PLEKHG1: variants seen among roughly 807,000 people sequenced by gnomAD.
The protein encoded by PLEKHG1 is pleckstrin homology and RhoGEF domain containing G1.
A neutral mutation model predicts 100.8 loss-of-function variants in PLEKHG1; 44 were observed. The observed-to-expected ratio is 0.44, with a 90% CI of 0.34 to 0.56. PLEKHG1 has a LOEUF of 0.56. PLEKHG1 is among the 20% of genes least tolerant of loss of function. The probability of loss-of-function intolerance (pLI) is 0.01; values close to 1 mark genes in which losing one functional copy is unlikely to be tolerated. For missense variants in PLEKHG1, 1,545 were observed against 1,720.9 expected (o/e 0.90, Z 1.81); for synonymous variants, 640 against 662.5 (o/e 0.97, Z 0.52).
Position 150,611,896 on chromosome 6 carries a change from A to G in PLEKHG1, c.-204+11879A>G, listed in dbSNP as rs1313214580. On this transcript the variant is annotated intron_variant, in intron 1 of 3. Transcript: ENST00000367326. ...ATTTCTGCTCAAATAGTGAGGCTCT[A>G]TTGTGTTTCAAAATAAGTCAAGAGA... Among the ~76,000 whole-genome samples the G allele has an allele frequency of 2.6e-5, 4 of 152,078 alleles. No homozygotes were observed. The South Asian group carries it at 6.2e-4, about 24-fold the overall frequency.
At chr6:150,631,377 G>A (rs1048583248) in intron 1 of PLEKHG1, among the ~76,000 whole-genome samples, 2 of 152,198 alleles carry the variant, frequency 1.3e-5, no homozygotes, top group East Asian at 1.9e-4. Flanking sequence ...TGGACAGACA[G>A]GACTGTGGGG....
At chr6:150,659,660 C>A (rs1046681823) in intron 3 of PLEKHG1, among the ~76,000 whole-genome samples, 1 of 152,122 alleles carries the variant, frequency 6.6e-6, no homozygotes, top group Non-Finnish European at 1.5e-5. Flanking sequence ...GTTCAGATTC[C>A]TTCTCCTTTT....
At chr6:150,666,847 G>A (rs1297458465) in intron 3 of PLEKHG1, among the ~76,000 whole-genome samples, 4 of 150,304 alleles carry the variant, frequency 2.7e-5, no homozygotes, top group Non-Finnish European at 4.4e-5. Flanking sequence ...TGCAATCTCC[G>A]CCTCCCGGGT....
At chr6:150,637,475 T>C (rs904397952) in intron 1 of PLEKHG1, among the ~76,000 whole-genome samples, 2 of 152,252 alleles carry the variant, frequency 1.3e-5, no homozygotes, top group South Asian at 2.1e-4. Context: ...TTTGAGTAAC[T>C]TTTGATGTAT....
chr6:150,827,392 C>G (rs1456875195), intron 14 of PLEKHG1, among the ~76,000 whole-genome samples: 3 of 152,014 alleles, frequency 2.0e-5, no homozygotes, highest in African/African-American at 7.3e-5. Context: ...GTTCTCCTGC[C>G]TCAGCCTCCC....
chr6:150,839,057 A>G (rs760246631), intron 15 of PLEKHG1, among the ~76,000 whole-genome samples: 41 of 152,170 alleles, frequency 2.7e-4, no homozygotes, highest in Admixed American at 1.7e-3. Flanking sequence ...CAAAAAAAGA[A>G]TGATGGGAAG....
chr6:150,682,890 C>A (rs1779983614), intron 3 of PLEKHG1, among the ~76,000 whole-genome samples: 1 of 152,166 alleles, frequency 6.6e-6, no homozygotes, highest in Non-Finnish European at 1.5e-5. Flanking sequence ...GAGCACCACC[C>A]ACATGAGAGA....
chr6:150,787,150 GT>G (rs1306796156), intron 4 of PLEKHG1, among the ~76,000 whole-genome samples: 1 of 151,880 alleles, frequency 6.6e-6, no homozygotes, highest in Non-Finnish European at 1.5e-5. Context: ...AATATTTTAC[GT>G]ATAATATATG....
chr6:150,604,318 CA>C (rs1776495149), intron 1 of PLEKHG1, among the ~76,000 whole-genome samples: 2 of 152,174 alleles, frequency 1.3e-5, no homozygotes, highest in African/African-American at 4.8e-5. Context: ...ACTGTCTAGA[CA>C]TTGAAAAGAC....
At chr6:150,690,069 G>C (rs927541968) in intron 3 of PLEKHG1, among the ~76,000 whole-genome samples, 1 of 152,130 alleles carries the variant, frequency 6.6e-6, no homozygotes, top group Non-Finnish European at 1.5e-5. Flanking sequence ...CAGGAAATCT[G>C]ACAATGGCTA....
intron 3 of PLEKHG1, among the ~76,000 whole-genome samples, chr6:150,772,269 C>T (rs927729361): frequency 1.3e-5 from 2 of 152,198 alleles, no homozygotes; most frequent in Non-Finnish European, 2.9e-5. Flanking sequence ...TGGCTTAGTA[C>T]ACAACTGTGC....
At chr6:150,618,091 A>G (rs1481930580) in intron 1 of PLEKHG1, among the ~76,000 whole-genome samples, 3 of 152,254 alleles carry the variant, frequency 2.0e-5, no homozygotes, top group Non-Finnish European at 4.4e-5. Flanking sequence ...AGTAATTTAT[A>G]TTGATTCTCA....
intron 3 of PLEKHG1, among the ~76,000 whole-genome samples, chr6:150,653,831 A>G (rs188035925): frequency 1.4e-4 from 22 of 152,316 alleles, no homozygotes; most frequent in Admixed American, 4.6e-4. Context: ...CATCAGAGAG[A>G]TGCATGCTTA....
intron 2 of PLEKHG1, among the ~76,000 whole-genome samples, chr6:150,766,783 A>C (rs1442261634): frequency 6.6e-6 from 1 of 152,180 alleles, no homozygotes; most frequent in Non-Finnish European, 1.5e-5. Context: ...TCTCACATGA[A>C]GAATTTAGTA....
exon 2 of PLEKHG1, chr6:150,733,700 G>T: frequency 6.2e-7 from 1 of 1,614,172 alleles, no homozygotes; most frequent in South Asian, 1.1e-5. Context: ...CTCTGATAGT[G>T]ACCGACCCGT....
chr6:150,818,215 T>C (rs1776097891), exon 11 of PLEKHG1: 1 of 1,598,714 alleles, frequency 6.3e-7, no homozygotes, highest in Non-Finnish European at 8.6e-7. Flanking sequence ...TGGATGCCAT[T>C]CGTAAGTTTT....
At position 150,606,191 on chromosome 6, in the gene PLEKHG1, A is replaced by G. The variant is rs537886015; in HGVS notation, c.-204+6174A>G. Among the ~76,000 whole-genome samples the G allele has an allele frequency of 3.3e-5, 5 of 152,312 alleles. No homozygotes were observed. The East Asian group carries it at 9.7e-4, about 29-fold the overall frequency. On this transcript the variant is annotated intron_variant, in intron 1 of 3. Coordinates refer to the PLEKHG1 transcript ENST00000367326. ...AATCCTGTTTACGTAAAATTGGCCT[A>G]CACATAACTTGTGTAGGAGTGCAGT... is the stretch of plus-strand genomic sequence containing the variant.
At chr6:150,840,500 T>A (rs747568935) in exon 16 of PLEKHG1, 2 of 1,614,124 alleles carry the variant, frequency 1.2e-6, no homozygotes, top group Non-Finnish European at 1.7e-6. Context: ...TCAATAGAAA[T>A]TTACCCTTAA....
rs762515691 is a variant in PLEKHG1 at position 150,681,502 on chromosome 6, CAAA to C, written c.-99+30727_-99+30729del. On this transcript the variant is annotated intron_variant, in intron 3 of 3. Coordinates refer to the PLEKHG1 transcript ENST00000367326. ...CTGGCGACAGAGCGTGACTCTGTCT[CAAA>C]AAAAAAAAAAGAAAGGATAATAGTA... 5.8e-5 allele frequency among the ~76,000 whole-genome samples: 7 copies of C among 120,982 alleles called. 1 individual carries two copies. Among genetic ancestry groups the C allele is most frequent in the African/African-American group, 9.1e-5 (3 of 33,016 alleles). The allele number at this position is 120,982 out of a possible 152,430, so 79.4% of individuals were successfully genotyped here. A position where few individuals can be genotyped will look rare whatever the true frequency, so the allele number is the denominator to read the frequency against.
Sources: allele counts gnomAD v4.1 joint callset (sites outside exome capture counted in the v4.1 genomes callset), GRCh38; gene constraint gnomAD v4.1.1; transcripts MANE v1.5; gene names NCBI Gene and HGNC (gene_info 2026-07-23, HGNC 2026-07-21).